Variants in MARCHF3 observed in about 807,000 individuals in gnomAD.
MARCHF3 encodes the protein E3 ubiquitin-protein ligase MARCHF3.
MARCHF3 carries 13 observed loss-of-function variants against 24.2 expected under a neutral mutation model. The observed-to-expected ratio is 0.54, with a 90% CI of 0.35 to 0.85. The LOEUF is 0.85. MARCHF3 is among the 40% of genes least tolerant of loss of function. MARCHF3 has a pLI of 0.01. For synonymous variants in MARCHF3, 144 were observed against 137.3 expected (o/e 1.05, Z -0.34); for missense variants, 276 against 325.0 (o/e 0.85, Z 1.16).
At chr5:126,879,126 C>G (rs1029756137) in intron 3 of MARCHF3, among the ~76,000 whole-genome samples, 1 of 152,140 alleles carries the variant, frequency 6.6e-6, no homozygotes, top group Non-Finnish European at 1.5e-5. Flanking sequence ...AATACTTCGC[C>G]CATGTTGTCA....
chr5:126,885,336 G>T (rs181301617), intron 3 of MARCHF3, among the ~76,000 whole-genome samples: 2 of 152,282 alleles, frequency 1.3e-5, no homozygotes, highest in East Asian at 3.9e-4. Context: ...GGGAGGCTGA[G>T]GCAGGTGGAT....
chr5:126,876,072 G>A (rs1348727425), intron 4 of MARCHF3, among the ~76,000 whole-genome samples: 3 of 152,178 alleles, frequency 2.0e-5, no homozygotes, highest in African/African-American at 7.2e-5. Flanking sequence ...GCCTAGTCTA[G>A]GTACCTTTTC....
At chr5:127,009,510 A>G (rs1009099953) in intron 1 of MARCHF3, among the ~76,000 whole-genome samples, 1 of 152,158 alleles carries the variant, frequency 6.6e-6, no homozygotes, top group African/African-American at 2.4e-5. Flanking sequence ...TATAAATGAC[A>G]TTTTTATTTG....
chr5:127,015,357 T>C (rs1383367506), intron 1 of MARCHF3, among the ~76,000 whole-genome samples: 2 of 152,012 alleles, frequency 1.3e-5, no homozygotes, highest in Non-Finnish European at 2.9e-5. Flanking sequence ...TGGGGAAAGG[T>C]CGAGGGAAGA....
intron 1 of MARCHF3, among the ~76,000 whole-genome samples, chr5:126,972,785 C>A (rs1283831475): frequency 6.6e-6 from 1 of 151,970 alleles, no homozygotes; most frequent in Admixed American, 6.6e-5. Flanking sequence ...ATGTCTAGAC[C>A]CTGGATGTTG....
At chr5:126,975,228 T>C (rs1366223974) in intron 1 of MARCHF3, among the ~76,000 whole-genome samples, 2 of 152,270 alleles carry the variant, frequency 1.3e-5, no homozygotes, top group Non-Finnish European at 2.9e-5. Flanking sequence ...GTGCTGGGAT[T>C]ACAGGTGTGA....
At chr5:126,917,931 C>CA in intron 2 of MARCHF3, 53 bp downstream of exon 2, 1 of 1,564,480 alleles carries the variant, frequency 6.4e-7, no homozygotes, top group Non-Finnish European at 8.7e-7. Context: ...TTCCATCTGA[C>CA]AAAGAGTTCT....
At chr5:126,885,793 C>T (rs1753493645) in intron 3 of MARCHF3, among the ~76,000 whole-genome samples, 1 of 151,472 alleles carries the variant, frequency 6.6e-6, no homozygotes, top group South Asian at 2.1e-4. Context: ...ACATATTGCT[C>T]TTCTTAGGTT....
At chr5:126,951,154 T>C (rs1750217437) in intron 1 of MARCHF3, among the ~76,000 whole-genome samples, 1 of 152,238 alleles carries the variant, frequency 6.6e-6, no homozygotes, top group Non-Finnish European at 1.5e-5. Flanking sequence ...TATGATCTCA[T>C]TGTTTTCTCT....
At chr5:126,912,387 C>T (rs1282980374) in intron 3 of MARCHF3, among the ~76,000 whole-genome samples, 1 of 152,140 alleles carries the variant, frequency 6.6e-6, no homozygotes, top group Admixed American at 6.5e-5. Context: ...AAACTGCTTC[C>T]TCGAGCAACA....
At chr5:126,989,165 G>A (rs919685012) in intron 1 of MARCHF3, among the ~76,000 whole-genome samples, 1 of 151,938 alleles carries the variant, frequency 6.6e-6, no homozygotes, top group Non-Finnish European at 1.5e-5. Context: ...TGTACTCCCA[G>A]CTACTCAGGA....
intron 1 of MARCHF3, among the ~76,000 whole-genome samples, chr5:126,987,911 C>A (rs1342239879): frequency 2.6e-5 from 4 of 151,956 alleles, no homozygotes; most frequent in Admixed American, 6.6e-5. Flanking sequence ...GACTCTTGAT[C>A]TATAAAGAAA....
chr5:126,966,230 G>A (rs956178107), intron 1 of MARCHF3, among the ~76,000 whole-genome samples: 2 of 152,172 alleles, frequency 1.3e-5, no homozygotes, highest in Admixed American at 1.3e-4. Context: ...GAATTCTGGG[G>A]AGGTGGAAAT....
intron 1 of MARCHF3, among the ~76,000 whole-genome samples, chr5:126,942,884 A>C (rs1314430188): frequency 1.3e-5 from 2 of 152,254 alleles, no homozygotes; most frequent in Non-Finnish European, 2.9e-5. Context: ...TATTAACAGC[A>C]CTACACTGTT....
At chr5:126,934,325 A>G (rs897678466) in intron 1 of MARCHF3, among the ~76,000 whole-genome samples, 1 of 152,214 alleles carries the variant, frequency 6.6e-6, no homozygotes, top group Non-Finnish European at 1.5e-5. Context: ...AGGTTAGGTG[A>G]CACAATCACA....
chr5:126,904,719 T>C (rs1754227010), intron 3 of MARCHF3, among the ~76,000 whole-genome samples: 1 of 151,048 alleles, frequency 6.6e-6, no homozygotes, highest in South Asian at 2.1e-4. Flanking sequence ...TATTAGCCCT[T>C]TGTCAGATGA....
At chr5:126,958,813 A>G (rs1266665787) in intron 1 of MARCHF3, among the ~76,000 whole-genome samples, 1 of 152,210 alleles carries the variant, frequency 6.6e-6, no homozygotes, top group East Asian at 1.9e-4. Flanking sequence ...ACCTAACTCC[A>G]CAATGATGGG....
chr5:126,979,009 G>T (rs563940623), intron 1 of MARCHF3, among the ~76,000 whole-genome samples: 1 of 152,276 alleles, frequency 6.6e-6, no homozygotes, highest in Non-Finnish European at 1.5e-5. Flanking sequence ...TCCTATTATT[G>T]AAAACTTTTG....
chr5:126,909,949 T>C (rs941458872), intron 3 of MARCHF3, among the ~76,000 whole-genome samples: 3 of 152,250 alleles, frequency 2.0e-5, no homozygotes, highest in African/African-American at 7.2e-5. Context: ...GTAAGTGCTA[T>C]GTGTGAAAAC....
Sources: allele counts gnomAD v4.1 joint callset (sites outside exome capture counted in the v4.1 genomes callset), GRCh38; gene constraint gnomAD v4.1.1; transcripts MANE v1.5; gene names NCBI Gene and HGNC (gene_info 2026-07-23, HGNC 2026-07-21).